Variants in SGSH observed in about 807,000 individuals in gnomAD.
SGSH encodes N-sulfoglucosamine sulfohydrolase.
SGSH carries 48 observed loss-of-function variants against 51.0 expected under a neutral mutation model. That is an observed-to-expected ratio of 0.94 (90% CI 0.75 to 1.20). The LOEUF is 1.20. Among genes scored for constraint, SGSH ranks in the 50% most tolerant of loss-of-function variants. The probability of loss-of-function intolerance (pLI) is 0.00; values close to 1 mark genes in which losing one functional copy is unlikely to be tolerated. For missense variants in SGSH, 662 were observed against 717.8 expected (o/e 0.92, Z 0.89); for synonymous variants, 321 against 313.4 (o/e 1.02, Z -0.26).
downstream of SGSH, among the ~76,000 whole-genome samples, chr17:80,206,298 T>TA (rs1432012504): frequency 3.3e-5 from 5 of 151,508 alleles, no homozygotes; most frequent in African/African-American, 1.2e-4. Flanking sequence ...GACCCGTCTC[T>TA]AAAAAAAATT....
Position 80,215,030 on chromosome 17 carries a change from C to T in SGSH, c.355+3G>A. ...CGCCCTGTCCTCGGCACGGGGTCCT[C>T]ACCTGTGCGCACACCAGCTTGGCTG... is the stretch of plus-strand genomic sequence containing the variant. On this transcript the variant is annotated splice_donor_region_variant and intron_variant, in intron 3 of 7. Coordinates refer to ENST00000326317, the MANE Select transcript of SGSH (RefSeq NM_000199.5). The T allele has an allele frequency of 1.2e-6, 2 of 1,608,168 alleles. No individual in the cohort carries two copies. Among genetic ancestry groups the T allele is most frequent in the Non-Finnish European group, 1.7e-6 (2 of 1,178,546 alleles).
chr17:80,206,156 ACAGCCTCATTTAG>A (rs1187162543), downstream of SGSH, among the ~76,000 whole-genome samples: 1 of 152,204 alleles, frequency 6.6e-6, no homozygotes, highest in Non-Finnish European at 1.5e-5. Flanking sequence ...TGCATAGCAC[ACAGCCTCATTTAG>A]AAAGTGGCAA....
At chr17:80,211,207 G>T in intron 7 of SGSH, 196 bp from the exon 8 acceptor site, 1 of 1,436,970 alleles carries the variant, frequency 7.0e-7, no homozygotes, top group Non-Finnish European at 9.1e-7. Context: ...TATAACAAGA[G>T]GCCCTGATTC....
At chr17:80,206,794 AAGAG>A, downstream of SGSH, 1 of 419,628 alleles carries the variant, frequency 2.4e-6, no homozygotes. Context: ...AAATAAAAAA[AAGAG>A]AGAAGAAAGT....
rs778730409 is a variant in SGSH, at chr17:80,217,040, G to A, written c.241C>T (p.Leu81=). 6.3e-7 allele frequency: 1 copy of A among 1,576,996 alleles called. No homozygotes were observed. Residue 81 remains leucine (L), a synonymous_variant, in exon 2 of 8, where the codon CTG becomes TTG. Transcript: ENST00000326317. ...CGCCCCTTGCACCTCACCTGGGGCAGGCCAGTGAGGAGGCTGGCGCGGCTG... is the reference window on the plus strand; with the variant it reads ...CGCCCCTTGCACCTCACCTGGGGCAAGCCAGTGAGGAGGCTGGCGCGGCTG... The part of the protein sequence containing the change: ...SPSRASLLTG[L]PQHQNGMYGL...
rs562736681 is a variant in SGSH, at chr17:80,214,522, G to C, written c.506+93C>G. On this transcript the variant is annotated intron_variant, in intron 4 of 7. Coordinates refer to ENST00000326317, the MANE Select transcript of SGSH (RefSeq NM_000199.5). Reference sequence around the variant, plus strand: ...AACCTTCTCCCCTGCCCCCATTCGAGCCACGTGGGGGCCCATGCATCCCGC... The same window carrying C: ...AACCTTCTCCCCTGCCCCCATTCGACCCACGTGGGGGCCCATGCATCCCGC... The C allele has an allele frequency of 6.2e-5, 87 of 1,408,012 alleles. No homozygotes were observed. In the Admixed American group the frequency reaches 7.1e-4, roughly 11 times the overall value. 87.2% of individuals were successfully genotyped at this position (1,408,012 alleles called of 1,614,324 possible).
chr17:80,202,292 G>A (rs2041024729), downstream of SGSH: 1 of 1,613,862 alleles, frequency 6.2e-7, no homozygotes, highest in East Asian at 2.2e-5. Flanking sequence ...AGCTGCAGGT[G>A]CATTGCAACG....
downstream of SGSH, chr17:80,205,709 C>T: frequency 6.8e-7 from 1 of 1,478,504 alleles, no homozygotes; most frequent in Non-Finnish European, 9.0e-7. Flanking sequence ...TTCAGGAATG[C>T]AGAGGAGGGG....
chr17:80,210,315 G>A lies in SGSH; in HGVS notation c.*137C>T. 6.9e-7 allele frequency: 1 copy of A among 1,439,980 alleles called. No homozygotes were observed. The highest frequency in any genetic ancestry group is 9.1e-7 in the Non-Finnish European group (1 of 1,100,112). The allele number at this position is 1,439,980 out of a possible 1,614,324, so 89.2% of individuals were successfully genotyped here. A position where few individuals can be genotyped will look rare whatever the true frequency, so the allele number is the denominator to read the frequency against. On this transcript the variant is annotated 3_prime_UTR_variant, in exon 8 of 8. Coordinates refer to ENST00000326317, the MANE Select transcript of SGSH (RefSeq NM_000199.5). ...GGCAATGGCAAGAGTGACCCCACAG[G>A]AAGGAAGAACCCTCCTTGGATGGGA... is the stretch of plus-strand genomic sequence containing the variant.
At position 80,214,174 on chromosome 17, in the gene SGSH, G is replaced by A. The variant is rs751677255; in HGVS notation, c.661C>T (p.Leu221=). 2.5e-6 allele frequency: 4 copies of A among 1,608,024 alleles called. No individual in the cohort carries two copies. Among genetic ancestry groups the A allele is most frequent in the Non-Finnish European group, 3.4e-6 (4 of 1,178,244 alleles). ...AAACACAGGAGGGGCCGTCCTACCA[G>A]CACGTCCAGTGGGTCGTAGGCCTGG... ...TPQAYDPLDV[L]VPYFVPNTPA... is the part of the protein sequence containing the mutation. Residue 221 remains leucine, a splice_region_variant and synonymous_variant, in exon 5 of 8, where the codon CTG becomes TTG. Coordinates refer to ENST00000326317, the MANE Select transcript of SGSH (RefSeq NM_000199.5).
At chr17:80,220,005 T>A (rs2042081901) in intron 1 of SGSH, 3 of 475,594 alleles carry the variant, frequency 6.3e-6, no homozygotes. Flanking sequence ...GTAGGGGTGC[T>A]GGATGCTGGG....
chr17:80,210,515 G>A lies in SGSH; in HGVS notation c.1446C>T (p.Ala482=), dbSNP rs113679696. ...QWETHDPWVC[A]PDGVLEEKLS... ...GCTTCTCCTCCAGGACGCCGTCGGG[G>A]GCGCACACCCAGGGGTCGTGGGTCT... The change falls in exon 8 of 8, where the codon GCC becomes GCT. Residue 482 remains alanine (A), a synonymous_variant. Coordinates refer to ENST00000326317, the MANE Select transcript of SGSH (RefSeq NM_000199.5). The A allele has an allele frequency of 1.8e-4, 292 of 1,609,698 alleles. 2 individuals carry two copies. The African/African-American group carries it at 3.3e-3, about 18-fold the overall frequency.
At chr17:80,208,606 A>C, downstream of SGSH, 1 of 418,634 alleles carries the variant, frequency 2.4e-6, no homozygotes. Context: ...AACCCTGAGA[A>C]TGTTTCTGCA....
chr17:80,218,152 A>C (rs1319328431), intron 1 of SGSH, among the ~76,000 whole-genome samples: 2 of 152,230 alleles, frequency 1.3e-5, no homozygotes, highest in Non-Finnish European at 2.9e-5. Flanking sequence ...ACTGCTGGGC[A>C]ATTCTGGGCT....
chr17:80,215,662 T>C (rs1174852749), intron 2 of SGSH, among the ~76,000 whole-genome samples: 1 of 151,906 alleles, frequency 6.6e-6, no homozygotes, highest in Non-Finnish European at 1.5e-5. Context: ...CTACTAAAAA[T>C]ACAAAAATTA....
rs1598744035 is a variant in SGSH, at chr17:80,212,749, T to C, written c.746-475A>G. On this transcript the variant is annotated intron_variant, in intron 6 of 7. Coordinates refer to ENST00000326317, the MANE Select transcript of SGSH (RefSeq NM_000199.5). The surrounding 1 kb of genome is among the most constrained non-coding windows in gnomAD (Gnocchi z 5.9). ...TAGGGAAATGGCAAAGGTCCTGACC[T>C]CCTGTCGTCCCTGACCCCAAAAGAC... is the stretch of plus-strand genomic sequence containing the variant. 4.0e-6 allele frequency: 1 copy of C among 249,700 alleles called. No individual in the cohort carries two copies. The highest frequency in any genetic ancestry group is 1.0e-4 in the East Asian group (1 of 9,708). 15.5% of individuals were successfully genotyped at this position (249,700 alleles called of 1,614,324 possible). A position where few individuals can be genotyped will look rare whatever the true frequency, so the allele number is the denominator to read the frequency against.
chr17:80,215,967 G>A (rs142998034), intron 2 of SGSH, among the ~76,000 whole-genome samples: 1 of 152,248 alleles, frequency 6.6e-6, no homozygotes, highest in Non-Finnish European at 1.5e-5. Flanking sequence ...CCCTGAAGAG[G>A]AGGGAAGTTC....
intron 7 of SGSH, chr17:80,211,260 GA>G: frequency 1.7e-6 from 2 of 1,199,792 alleles, no homozygotes; most frequent in South Asian, 3.2e-5. Flanking sequence ...GACTGGAAAA[GA>G]AGTCTCCTTT....
chr17:80,205,309 C>G (rs973316738), downstream of SGSH: 1 of 1,198,698 alleles, frequency 8.3e-7, no homozygotes, highest in Non-Finnish European at 1.2e-6. Flanking sequence ...TTCCCTCCCC[C>G]ACCACGCACA....
Sources: allele counts gnomAD v4.1 joint callset (sites outside exome capture counted in the v4.1 genomes callset), GRCh38; gene constraint gnomAD v4.1.1; non-coding constraint Gnocchi (gnomAD v3.1); transcripts MANE v1.5; gene names NCBI Gene and HGNC (gene_info 2026-07-23, HGNC 2026-07-21).